Variants in CCDC171 observed in about 807,000 individuals in gnomAD.
CCDC171 encodes coiled-coil domain containing 171, also known as coiled-coil domain-containing protein 171.
Under a neutral mutation model 168.2 loss-of-function variants are expected in CCDC171, and 177 were observed. The observed-to-expected ratio is 1.05, with a 90% CI of 0.93 to 1.19. The LOEUF is 1.19. CCDC171 is among the 50% of genes most tolerant of loss of function. The probability of loss-of-function intolerance (pLI) is 0.00; values close to 1 mark genes in which losing one functional copy is unlikely to be tolerated. For missense variants in CCDC171, 1,991 were observed against 1,539.0 expected (o/e 1.29, Z -4.91); for synonymous variants, 687 against 540.8 (o/e 1.27, Z -3.75).
chr9:15,808,445 A>G (rs1381116213), intron 21 of CCDC171, among the ~76,000 whole-genome samples: 6 of 152,246 alleles, frequency 3.9e-5, no homozygotes, highest in Non-Finnish European at 5.9e-5. Context: ...AGTCCAAACA[A>G]GAGTACTTTT....
intron 3 of CCDC171, among the ~76,000 whole-genome samples, chr9:15,990,407 C>T (rs958751998): frequency 6.6e-6 from 1 of 152,178 alleles, no homozygotes; most frequent in Non-Finnish European, 1.5e-5. Flanking sequence ...GCCTGCCTTA[C>T]AAGAGTTCCT....
At chr9:15,603,283 C>A (rs535627770) in intron 6 of CCDC171, among the ~76,000 whole-genome samples, 3 of 152,246 alleles carry the variant, frequency 2.0e-5, no homozygotes, top group Admixed American at 2.0e-4. Context: ...GGTACATATG[C>A]AGGATGTGCA....
chr9:15,838,463 C>A (rs967223123), intron 21 of CCDC171, among the ~76,000 whole-genome samples: 1 of 152,200 alleles, frequency 6.6e-6, no homozygotes, highest in East Asian at 1.9e-4. Context: ...GCCTAGAATC[C>A]TTCAGAAGCT....
chr9:15,594,603 C>T (rs375331404), intron 6 of CCDC171, among the ~76,000 whole-genome samples: 116 of 152,172 alleles, frequency 7.6e-4, no homozygotes, highest in African/African-American at 2.6e-3. Context: ...CCCTGAAATA[C>T]GCAGAATCCC....
intron 25 of CCDC171, among the ~76,000 whole-genome samples, chr9:15,926,883 A>G (rs989085302): frequency 1.3e-5 from 2 of 151,744 alleles, no homozygotes; most frequent in African/African-American, 4.8e-5. Flanking sequence ...AGGCAAAAGA[A>G]CTAAAACAAC....
chr9:15,905,590 T>C (rs1247238610), intron 24 of CCDC171, among the ~76,000 whole-genome samples: 3 of 151,780 alleles, frequency 2.0e-5, no homozygotes, highest in Non-Finnish European at 4.4e-5. Context: ...AAAATTGACA[T>C]CCTAACATCA....
chr9:15,762,249 A>G (rs1188951667), intron 18 of CCDC171, among the ~76,000 whole-genome samples: 1 of 151,758 alleles, frequency 6.6e-6, no homozygotes, highest in Non-Finnish European at 1.5e-5. Context: ...GTAAAAGAAC[A>G]AAAAAAATCT....
At chr9:16,039,771 G>C (rs904091394), upstream of CCDC171, among the ~76,000 whole-genome samples, 25 of 152,102 alleles carry the variant, frequency 1.6e-4, no homozygotes, top group Non-Finnish European at 3.5e-4. Context: ...TCATCACTCA[G>C]TCACATGGCC....
chr9:15,882,344 C>T (rs1429206074), intron 24 of CCDC171, among the ~76,000 whole-genome samples: 1 of 152,160 alleles, frequency 6.6e-6, no homozygotes, highest in African/African-American at 2.4e-5. Context: ...TTGTTAATCC[C>T]TTGTCAGATG....
chr9:15,787,860 T>G (rs1314999179), intron 21 of CCDC171, among the ~76,000 whole-genome samples: 1 of 152,178 alleles, frequency 6.6e-6, no homozygotes, highest in African/African-American at 2.4e-5. Flanking sequence ...TCAGTGGAGT[T>G]GAAAATTTTT....
intron 11 of CCDC171, among the ~76,000 whole-genome samples, chr9:15,707,571 T>C: frequency 6.6e-6 from 1 of 152,220 alleles, no homozygotes; most frequent in East Asian, 1.9e-4. Context: ...GCCTTCTTTT[T>C]ATTTATCCAC....
intron 25 of CCDC171, among the ~76,000 whole-genome samples, chr9:15,935,019 G>A (rs182673389): frequency 2.0e-5 from 3 of 152,198 alleles, no homozygotes; most frequent in African/African-American, 7.2e-5. Context: ...AGAGGATGGA[G>A]AATGACTGCT....
At chr9:16,008,354 T>C (rs1832767229) in intron 3 of CCDC171, among the ~76,000 whole-genome samples, 1 of 152,324 alleles carries the variant, frequency 6.6e-6, no homozygotes, top group South Asian at 2.1e-4. Flanking sequence ...CATTGAATGG[T>C]TGTGGCACCA....
intron 21 of CCDC171, among the ~76,000 whole-genome samples, chr9:15,828,645 A>G (rs2060111455): frequency 6.6e-6 from 1 of 152,170 alleles, no homozygotes; most frequent in African/African-American, 2.4e-5. Context: ...ATCATTCTCT[A>G]TAGGGTGCTA....
At chr9:15,647,317 C>T (rs575209410) in intron 7 of CCDC171, among the ~76,000 whole-genome samples, 1 of 152,096 alleles carries the variant, frequency 6.6e-6, no homozygotes, top group Non-Finnish European at 1.5e-5. Flanking sequence ...CTAAAATCAA[C>T]ACCCTAACAT....
At chr9:15,923,725 A>G (rs151315958) in intron 25 of CCDC171, among the ~76,000 whole-genome samples, 4 of 151,680 alleles carry the variant, frequency 2.6e-5, no homozygotes, top group African/African-American at 9.6e-5. Context: ...CAATGTATAT[A>G]TACTTGAAAA....
intron 3 of CCDC171, among the ~76,000 whole-genome samples, chr9:16,009,558 C>T (rs1319832865): frequency 1.3e-5 from 2 of 152,086 alleles, no homozygotes; most frequent in African/African-American, 4.8e-5. Flanking sequence ...TGATCATTTC[C>T]CTTACGATTC....
intron 7 of CCDC171, among the ~76,000 whole-genome samples, chr9:15,633,862 A>G (rs890631036): frequency 6.6e-6 from 1 of 152,256 alleles, no homozygotes; most frequent in East Asian, 1.9e-4. Context: ...TGATGAGTTC[A>G]TGTCCTTTGT....
intron 7 of CCDC171, 62 bp downstream of exon 7, chr9:15,623,475 G>GCACACACACACACACACACACA (rs1554714957): frequency 1.3e-4 from 42 of 315,448 alleles, no homozygotes; most frequent in Middle Eastern, 8.7e-4. Context: ...GCGCGCGCGC[G>GCACACACACACACACACACACA]CACACACACA....
Sources: gnomAD v4.1 joint callset for allele counts (sites outside exome capture counted in the v4.1 genomes callset) on GRCh38, gnomAD v4.1.1 for gene constraint, MANE v1.5 for transcripts, NCBI Gene and HGNC (gene_info 2026-07-23, HGNC 2026-07-21) for gene names.